INPP4B: variants seen among roughly 807,000 people sequenced by gnomAD.
The protein encoded by INPP4B is inositol polyphosphate 4-phosphatase type II.
INPP4B carries 55 observed loss-of-function variants against 122.5 expected under a neutral mutation model. The observed-to-expected ratio is 0.45, with a 90% CI of 0.36 to 0.56. INPP4B has a LOEUF of 0.56. Ranked by LOEUF, INPP4B falls within the 20% of genes least tolerant of loss-of-function variation. The pLI, the probability that INPP4B is intolerant of heterozygous loss-of-function variation, is 0.00. For synonymous variants in INPP4B, 403 were observed against 388.7 expected (o/e 1.04, Z -0.43); for missense variants, 1,000 against 1,097.7 (o/e 0.91, Z 1.26).
chr4:142,647,076 T>A (rs970477145), intron 2 of INPP4B, among the ~76,000 whole-genome samples: 2 of 152,066 alleles, frequency 1.3e-5, no homozygotes, highest in Non-Finnish European at 2.9e-5. Flanking sequence ...ATAAGGATAA[T>A]TTTCCATAAA....
intron 2 of INPP4B, among the ~76,000 whole-genome samples, chr4:142,641,927 CTCT>C (rs1245265806): frequency 5.9e-5 from 9 of 152,254 alleles, no homozygotes; most frequent in Admixed American, 3.9e-4. Flanking sequence ...TCTCCAGCAC[CTCT>C]TGTTTCCTGA....
At chr4:142,446,177 T>A (rs1422766096) in intron 3 of INPP4B, among the ~76,000 whole-genome samples, 1 of 151,868 alleles carries the variant, frequency 6.6e-6, no homozygotes, top group Non-Finnish European at 1.5e-5. Flanking sequence ...AAGATTTATT[T>A]TCCAGAATAT....
chr4:142,232,008 G>A (rs987511915), intron 12 of INPP4B, among the ~76,000 whole-genome samples: 3 of 152,064 alleles, frequency 2.0e-5, no homozygotes, highest in African/African-American at 7.2e-5. Context: ...AATTAATCAT[G>A]CAAATATTGT....
intron 3 of INPP4B, among the ~76,000 whole-genome samples, chr4:142,449,430 G>A (rs1311561364): frequency 1.3e-5 from 2 of 152,210 alleles, no homozygotes; most frequent in South Asian, 2.1e-4. Flanking sequence ...TAGGCCAGGT[G>A]TGGTGGCTCA....
chr4:142,364,034 A>T (rs752988495), intron 7 of INPP4B, among the ~76,000 whole-genome samples: 2 of 152,048 alleles, frequency 1.3e-5, no homozygotes, highest in African/African-American at 2.4e-5. Flanking sequence ...GGGTGGGAAG[A>T]TTCTAGAAAA....
intron 12 of INPP4B, among the ~76,000 whole-genome samples, chr4:142,219,351 T>A (rs1848496190): frequency 6.6e-6 from 1 of 152,214 alleles, no homozygotes; most frequent in South Asian, 2.1e-4. Context: ...AATAAGTATG[T>A]CTTTTTCCAG....
chr4:142,748,740 C>G (rs1769175730), intron 1 of INPP4B, among the ~76,000 whole-genome samples: 1 of 151,324 alleles, frequency 6.6e-6, no homozygotes, highest in African/African-American at 2.4e-5. Flanking sequence ...GGAAACTTTC[C>G]CACTGAGAAA....
intron 2 of INPP4B, among the ~76,000 whole-genome samples, chr4:142,524,924 A>G (rs1376712508): frequency 1.3e-5 from 2 of 152,130 alleles, no homozygotes; most frequent in East Asian, 1.9e-4. Flanking sequence ...AGGGCATTCA[A>G]TTTGGAAAAG....
intron 1 of INPP4B, among the ~76,000 whole-genome samples, chr4:142,737,078 A>C (rs556193026): frequency 4.6e-5 from 7 of 152,128 alleles, no homozygotes; most frequent in East Asian, 1.9e-4. Flanking sequence ...ATCAAGCTAC[A>C]AATGACTTTC....
At chr4:142,302,473 C>A (rs1432941692) in intron 9 of INPP4B, among the ~76,000 whole-genome samples, 1 of 152,084 alleles carries the variant, frequency 6.6e-6, no homozygotes, top group African/African-American at 2.4e-5. Flanking sequence ...TGGTTTCATA[C>A]CCTGCCTTTC....
chr4:142,153,507 C>T (rs1196882578), intron 17 of INPP4B, among the ~76,000 whole-genome samples: 1 of 152,084 alleles, frequency 6.6e-6, no homozygotes, highest in Non-Finnish European at 1.5e-5. Flanking sequence ...TACACAGGCA[C>T]ATCAAAATAC....
chr4:142,760,828 C>T (rs1351256185), intron 1 of INPP4B, among the ~76,000 whole-genome samples: 1 of 152,130 alleles, frequency 6.6e-6, no homozygotes, highest in Admixed American at 6.6e-5. Context: ...TTTCTCTCTA[C>T]TCTCAACCCT....
intron 11 of INPP4B, among the ~76,000 whole-genome samples, chr4:142,242,438 T>A (rs1859893077): frequency 1.3e-5 from 2 of 152,224 alleles, no homozygotes; most frequent in Non-Finnish European, 2.9e-5. Flanking sequence ...TGACAATTGG[T>A]GAATTTCATC....
intron 2 of INPP4B, among the ~76,000 whole-genome samples, chr4:142,467,790 T>G (rs1326077967): frequency 6.6e-6 from 1 of 152,168 alleles, no homozygotes; most frequent in Non-Finnish European, 1.5e-5. Context: ...TTCTCCATGT[T>G]GAAGGTGGGC....
At chr4:142,469,385 A>G (rs762931889) in intron 2 of INPP4B, among the ~76,000 whole-genome samples, 3 of 152,106 alleles carry the variant, frequency 2.0e-5, no homozygotes, top group Non-Finnish European at 4.4e-5. Flanking sequence ...AAGAACTGTA[A>G]CACGTGTAAG....
chr4:142,028,706 C>G lies in INPP4B; in HGVS notation c.*76G>C. 1 of 1,476,618 alleles carries G rather than the reference C, an allele frequency of 6.8e-7. No individual in the cohort carries two copies. Among genetic ancestry groups the G allele is most frequent in the Non-Finnish European group, 9.2e-7 (1 of 1,092,784 alleles). 91.5% of individuals were successfully genotyped at this position (1,476,618 alleles called of 1,614,324 possible). A position where few individuals can be genotyped will look rare whatever the true frequency, so the allele number is the denominator to read the frequency against. On this transcript the variant is annotated 3_prime_UTR_variant, in exon 26 of 26. Coordinates refer to ENST00000262992, the MANE Select transcript of INPP4B (RefSeq NM_001101669.3). ...CACCACAAATTCATGACAATAAAAA[C>G]AAACAAAAAAGACCAAGGTGAAGAT... is the stretch of plus-strand genomic sequence containing the variant.
intron 1 of INPP4B, among the ~76,000 whole-genome samples, chr4:142,833,120 G>A (rs1782368553): frequency 6.6e-6 from 1 of 151,852 alleles, no homozygotes; most frequent in South Asian, 2.1e-4. Context: ...ATACACAAGT[G>A]AAGTGGGTCA....
chr4:142,293,897 G>C (rs1192187649), intron 9 of INPP4B, among the ~76,000 whole-genome samples: 1 of 152,198 alleles, frequency 6.6e-6, no homozygotes, highest in Non-Finnish European at 1.5e-5. Context: ...CAGCAACATG[G>C]ATGGAACTGG....
rs369611706 is a variant in INPP4B, at chr4:142,804,056, C to CATAAATAA, written c.-254+42145_-254+42152dup. Among the ~76,000 whole-genome samples, 612 of 141,736 alleles carry CATAAATAA rather than the reference C, an allele frequency of 4.3e-3. 3 individuals are homozygous for CATAAATAA. The highest frequency in any genetic ancestry group is 8.3e-3 in the East Asian group (42 of 5,054). The allele number at this position is 141,736 out of a possible 152,430, so 93.0% of individuals were successfully genotyped here. ...CCTGGGCAACAGAGTGAGACTCCAT[C>CATAAATAA]ATAAATAAATAAATAAATAAATAAA... On this transcript the variant is annotated intron_variant, in intron 1 of 25. Coordinates refer to ENST00000262992, the MANE Select transcript of INPP4B (RefSeq NM_001101669.3).
Sources: gnomAD v4.1 joint callset for allele counts (sites outside exome capture counted in the v4.1 genomes callset) on GRCh38, gnomAD v4.1.1 for gene constraint, MANE v1.5 for transcripts, NCBI Gene and HGNC (gene_info 2026-07-23, HGNC 2026-07-21) for gene names.